Variants in SBF2 observed in about 807,000 individuals in gnomAD.
SBF2 encodes myotubularin-related protein 13.
A neutral mutation model predicts 225.2 loss-of-function variants in SBF2; 112 were observed. The ratio of observed to expected loss-of-function variants is 0.50; its 90% confidence interval spans 0.43 to 0.58. SBF2 has a LOEUF of 0.58. SBF2 is among the 20% of genes least tolerant of loss of function. SBF2 has a pLI of 0.00. For missense variants in SBF2, 1,996 were observed against 2,206.2 expected (o/e 0.90, Z 1.91); for synonymous variants, 763 against 773.3 (o/e 0.99, Z 0.22).
intron 2 of SBF2, among the ~76,000 whole-genome samples, chr11:10,048,453 T>C (rs1949949615): frequency 6.6e-6 from 1 of 152,222 alleles, no homozygotes; most frequent in South Asian, 2.1e-4. Context: ...GTATTCTTTA[T>C]AGCTGCACAT....
chr11:9,970,156 T>C (rs965715480), intron 13 of SBF2, among the ~76,000 whole-genome samples: 1 of 152,108 alleles, frequency 6.6e-6, no homozygotes. Context: ...TTATTCCCAC[T>C]GAACTTATGT....
At chr11:9,976,361 T>C (rs1946682882) in intron 13 of SBF2, among the ~76,000 whole-genome samples, 1 of 152,104 alleles carries the variant, frequency 6.6e-6, no homozygotes, top group Non-Finnish European at 1.5e-5. Context: ...CGTGAGCCAC[T>C]GCGCCTGGCC....
intron 3 of SBF2, among the ~76,000 whole-genome samples, chr11:10,039,517 G>A (rs1949571106): frequency 6.6e-6 from 1 of 151,586 alleles, no homozygotes; most frequent in South Asian, 2.1e-4. Flanking sequence ...TCAAAATCTT[G>A]GAAAAACTGA....
intron 2 of SBF2, among the ~76,000 whole-genome samples, chr11:10,154,189 A>G (rs1209428997): frequency 6.6e-6 from 1 of 152,088 alleles, no homozygotes; most frequent in Non-Finnish European, 1.5e-5. Flanking sequence ...GAATTCCAAT[A>G]GATTATTGCT....
At chr11:10,276,965 C>A (rs1962999985) in intron 1 of SBF2, among the ~76,000 whole-genome samples, 1 of 152,054 alleles carries the variant, frequency 6.6e-6, no homozygotes, top group African/African-American at 2.4e-5. Flanking sequence ...GGTACAATGG[C>A]TCATGCCTGT....
chr11:10,043,743 ATT>A (rs1244174307), intron 2 of SBF2, among the ~76,000 whole-genome samples: 2 of 151,872 alleles, frequency 1.3e-5, no homozygotes, highest in Non-Finnish European at 2.9e-5. Flanking sequence ...TCTGGCTAAT[ATT>A]TTTTATTTTG....
rs58436467 is a variant in SBF2, at chr11:9,835,631, C to CAAAAAAAAAAAAAAAAAAAAAAAAAAA, written c.3456-3212_3456-3211insTTTTTTTTTTTTTTTTTTTTTTTTTTT. On this transcript the variant is annotated intron_variant, in intron 26 of 39. Coordinates refer to ENST00000256190, the MANE Select transcript of SBF2 (RefSeq NM_030962.4). Reference sequence around the variant, plus strand: ...TGGGAGACAGAGCAAGACCTTGTCTCAAAAAAAAAAAAAAAAGATTACTAC... The same window carrying CAAAAAAAAAAAAAAAAAAAAAAAAAAA: ...TGGGAGACAGAGCAAGACCTTGTCTCAAAAAAAAAAAAAAAAAAAAAAAAAAAAAAAAAAAAAAAAAAAGATTACTAC... 3.4e-4 allele frequency among the ~76,000 whole-genome samples: 21 copies of CAAAAAAAAAAAAAAAAAAAAAAAAAAA among 62,134 alleles called. 2 individuals are homozygous for CAAAAAAAAAAAAAAAAAAAAAAAAAAA. Among genetic ancestry groups the CAAAAAAAAAAAAAAAAAAAAAAAAAAA allele is most frequent in the African/African-American group, 7.7e-4 (12 of 15,498 alleles). The allele number at this position is 62,134 out of a possible 152,430, so 40.8% of individuals were successfully genotyped here.
At chr11:10,298,923 A>G (rs1378418137), upstream of SBF2, among the ~76,000 whole-genome samples, 1 of 152,236 alleles carries the variant, frequency 6.6e-6, no homozygotes, top group East Asian at 1.9e-4. Flanking sequence ...CTATATAGGT[A>G]AAAGTTAAGG....
chr11:9,850,001 C>G (rs1251941625), intron 22 of SBF2, 22 bp downstream of exon 22: 2 of 1,606,098 alleles, frequency 1.2e-6, no homozygotes. Context: ...TACCCATGTT[C>G]TGATGGCATA....
At chr11:10,189,909 T>C (rs1181224944) in intron 2 of SBF2, among the ~76,000 whole-genome samples, 1 of 152,084 alleles carries the variant, frequency 6.6e-6, no homozygotes, top group Non-Finnish European at 1.5e-5. Context: ...CGCAGCACTT[T>C]GGGAGGCCAA....
chr11:10,010,660 G>A (rs982272649), intron 6 of SBF2, among the ~76,000 whole-genome samples: 1 of 152,146 alleles, frequency 6.6e-6, no homozygotes, highest in Non-Finnish European at 1.5e-5. Context: ...ATAGTTTGAG[G>A]TCAGGTAGCA....
In SBF2 at chr11:10,202,613, G is replaced by A. The variant is rs768977992; in HGVS notation, c.56-8626C>T. Among the ~76,000 whole-genome samples the A allele has an allele frequency of 5.9e-5, 9 of 152,086 alleles. No homozygotes were observed. In the South Asian group the frequency reaches 6.2e-4, roughly 11 times the overall value. The stretch of plus-strand genomic sequence containing the variant: ...ATCCTAGCTAACACGGTGAAATCCC[G>A]TCTCTACTAAAAATAACAAAAAAAA... On this transcript the variant is annotated intron_variant, in intron 1 of 39. Coordinates refer to ENST00000256190, the MANE Select transcript of SBF2 (RefSeq NM_030962.4).
intron 1 of SBF2, among the ~76,000 whole-genome samples, chr11:10,273,558 T>C (rs995706613): frequency 6.6e-6 from 1 of 152,204 alleles, no homozygotes; most frequent in Non-Finnish European, 1.5e-5. Context: ...TATGACCATG[T>C]TTCTAGGTAA....
intron 9 of SBF2, among the ~76,000 whole-genome samples, chr11:9,994,391 C>T (rs951781706): frequency 1.3e-5 from 2 of 150,772 alleles, no homozygotes; most frequent in Non-Finnish European, 3.0e-5. Flanking sequence ...AGGAGAATGG[C>T]GTGAACCCGG....
chr11:10,258,081 T>TACACATAC (rs1555098201), intron 1 of SBF2, among the ~76,000 whole-genome samples: 5 of 138,940 alleles, frequency 3.6e-5, no homozygotes, highest in Non-Finnish European at 6.1e-5. Flanking sequence ...TACACACACA[T>TACACATAC]ACACACACAC....
chr11:9,908,550 C>A (rs1285171645), intron 16 of SBF2, among the ~76,000 whole-genome samples: 1 of 152,182 alleles, frequency 6.6e-6, no homozygotes, highest in African/African-American at 2.4e-5. Context: ...TGGCGTGAAC[C>A]CGGGAGGCGG....
chr11:10,076,122 C>G (rs945128365), intron 2 of SBF2, among the ~76,000 whole-genome samples: 2 of 152,190 alleles, frequency 1.3e-5, no homozygotes, highest in Non-Finnish European at 2.9e-5. Flanking sequence ...GAGTGAATCA[C>G]CAGTGTATGA....
intron 32 of SBF2, among the ~76,000 whole-genome samples, chr11:9,798,900 C>T (rs146879562): frequency 0.046 from 6,788 of 147,414 alleles, 219 homozygotes; most frequent in Non-Finnish European, 0.071. Flanking sequence ...TGCAGTGAGC[C>T]GAGATCGCGC....
intron 19 of SBF2, among the ~76,000 whole-genome samples, chr11:9,854,482 T>C (rs966448041): frequency 1.3e-5 from 2 of 152,226 alleles, no homozygotes; most frequent in African/African-American, 4.8e-5. Context: ...ATTAGCTGAA[T>C]CAGTGTTAGA....
Sources: gnomAD v4.1 joint callset for allele counts (sites outside exome capture counted in the v4.1 genomes callset) on GRCh38, gnomAD v4.1.1 for gene constraint, MANE v1.5 for transcripts, NCBI Gene and HGNC (gene_info 2026-07-23, HGNC 2026-07-21) for gene names.